CDH18: variants seen among roughly 807,000 people sequenced by gnomAD.
The protein encoded by CDH18 is cadherin 18, also known as cadherin-18.
A neutral mutation model predicts 67.9 loss-of-function variants in CDH18; 31 were observed. The observed-to-expected ratio is 0.46, with a 90% CI of 0.34 to 0.62. CDH18 has a LOEUF of 0.62. Among genes scored for constraint, CDH18 ranks in the 20% least tolerant of loss-of-function variants. The pLI, the probability that CDH18 is intolerant of heterozygous loss-of-function variation, is 0.01. For missense variants in CDH18, 890 were observed against 975.5 expected (o/e 0.91, Z 1.17); for synonymous variants, 362 against 347.2 (o/e 1.04, Z -0.48).
intron 3 of CDH18, among the ~76,000 whole-genome samples, chr5:19,826,460 G>A (rs1455976374): frequency 6.6e-6 from 1 of 152,090 alleles, no homozygotes; most frequent in African/African-American, 2.4e-5. Flanking sequence ...AAGAAAAAAT[G>A]TTAAAGGCAA....
chr5:19,928,042 G>C (rs1793280266), intron 2 of CDH18, among the ~76,000 whole-genome samples: 1 of 152,056 alleles, frequency 6.6e-6, no homozygotes, highest in African/African-American at 2.4e-5. Flanking sequence ...TGGTCATGCA[G>C]AGCTCTGAAA....
At chr5:20,298,329 G>T (rs1437045945) in intron 1 of CDH18, among the ~76,000 whole-genome samples, 1 of 152,086 alleles carries the variant, frequency 6.6e-6, no homozygotes, top group Non-Finnish European at 1.5e-5. Flanking sequence ...GTAACTTACG[G>T]TGCAACAGAG....
intron 2 of CDH18, among the ~76,000 whole-genome samples, chr5:20,190,720 C>G (rs994604573): frequency 2.6e-5 from 4 of 152,018 alleles, no homozygotes; most frequent in Non-Finnish European, 1.5e-5. Flanking sequence ...CCGTAATTAC[C>G]ATTGACTCCT....
At chr5:19,815,126 T>C (rs1779149980) in intron 3 of CDH18, among the ~76,000 whole-genome samples, 1 of 150,416 alleles carries the variant, frequency 6.6e-6, no homozygotes, top group South Asian at 2.1e-4. Flanking sequence ...AAGCTGAATA[T>C]AATATACTCA....
chr5:20,003,951 C>T lies in CDH18; in HGVS notation c.-517-11937G>A, dbSNP rs142607208. On this transcript the variant is annotated intron_variant, in intron 2 of 14. Transcript: ENST00000507958. ...AAACAAAAAACAAAAGACATAATAA[C>T]AAAATAACTATTTTTTCTTGTCAGC... Among the ~76,000 whole-genome samples, 569 of 152,248 alleles carry T rather than the reference C, an allele frequency of 3.7e-3. 2 individuals carry two copies. The highest frequency in any genetic ancestry group is 0.013 in the African/African-American group (535 of 41,550).
chr5:19,473,763 A>T (rs1194812899), intron 12 of CDH18, 47 bp from the exon 13 acceptor site: 1 of 1,440,196 alleles, frequency 6.9e-7, no homozygotes, highest in East Asian at 2.3e-5. Flanking sequence ...AACAGGAAGG[A>T]AATTCTTAGA....
chr5:19,708,585 T>G (rs959662588), intron 5 of CDH18, among the ~76,000 whole-genome samples: 2 of 152,178 alleles, frequency 1.3e-5, no homozygotes, highest in African/African-American at 4.8e-5. Context: ...AGATTGTTGG[T>G]TTACCAGAAT....
intron 2 of CDH18, among the ~76,000 whole-genome samples, chr5:20,015,987 G>T (rs2150423178): frequency 6.6e-6 from 1 of 152,138 alleles, no homozygotes; most frequent in South Asian, 2.1e-4. Context: ...AATATAAATT[G>T]TTCTACCATA....
At position 19,545,850 on chromosome 5, in the gene CDH18, T is replaced by C. The variant is rs757904276; in HGVS notation, c.1254-1845A>G. The stretch of plus-strand genomic sequence containing the variant: ...GTCCTTTCTAAATAGGAAATATAAC[T>C]TTGAGATGATATATCAGCATAAAGC... On this transcript the variant is annotated intron_variant, in intron 8 of 12. Coordinates refer to ENST00000382275, the MANE Select transcript of CDH18 (RefSeq NM_004934.5). Among the ~76,000 whole-genome samples the C allele has an allele frequency of 1.6e-4, 24 of 152,336 alleles. No homozygotes were observed. The Middle Eastern group carries it at 0.01, about 65-fold the overall frequency.
At chr5:20,009,587 G>A (rs550937311) in intron 2 of CDH18, among the ~76,000 whole-genome samples, 1 of 152,144 alleles carries the variant, frequency 6.6e-6, no homozygotes, top group Admixed American at 6.5e-5. Flanking sequence ...ATGCTAAGGA[G>A]ACCAATATAC....
chr5:19,952,011 T>C (rs1795839818), intron 2 of CDH18, among the ~76,000 whole-genome samples: 1 of 152,130 alleles, frequency 6.6e-6, no homozygotes, highest in African/African-American at 2.4e-5. Context: ...CTTATTTTTC[T>C]ATGTAATTAT....
intron 2 of CDH18, among the ~76,000 whole-genome samples, chr5:19,872,373 T>C (rs954233934): frequency 2.0e-5 from 3 of 152,192 alleles, no homozygotes; most frequent in African/African-American, 4.8e-5. Context: ...TTTATTTATA[T>C]AGTAAATGTT....
intron 2 of CDH18, among the ~76,000 whole-genome samples, chr5:19,845,921 T>C (rs1053497924): frequency 6.6e-6 from 1 of 151,952 alleles, no homozygotes; most frequent in African/African-American, 2.4e-5. Flanking sequence ...GTGAGTCTAT[T>C]GTAGAAAGCA....
At chr5:19,997,336 C>T (rs1271906826) in intron 2 of CDH18, among the ~76,000 whole-genome samples, 1 of 152,046 alleles carries the variant, frequency 6.6e-6, no homozygotes, top group Admixed American at 6.6e-5. Flanking sequence ...TAGCACATAT[C>T]ATATTTATGA....
At chr5:20,056,932 G>A (rs1399040870) in intron 2 of CDH18, among the ~76,000 whole-genome samples, 3 of 151,778 alleles carry the variant, frequency 2.0e-5, no homozygotes, top group Non-Finnish European at 4.4e-5. Context: ...TGATCAGCCC[G>A]TCTCGGCCTC....
intron 1 of CDH18, among the ~76,000 whole-genome samples, chr5:20,474,968 T>G (rs999491310): frequency 6.6e-6 from 1 of 152,228 alleles, no homozygotes; most frequent in Non-Finnish European, 1.5e-5. Context: ...ATAGCATAAC[T>G]TCCCAGTATA....
At chr5:19,536,510 C>A (rs1053728783) in intron 9 of CDH18, among the ~76,000 whole-genome samples, 1 of 152,106 alleles carries the variant, frequency 6.6e-6, no homozygotes, top group African/African-American at 2.4e-5. Context: ...AATTGATACA[C>A]GTGGAGTTTA....
intron 1 of CDH18, among the ~76,000 whole-genome samples, chr5:20,346,603 A>AC (rs1422654787): frequency 2.0e-5 from 3 of 152,160 alleles, no homozygotes; most frequent in African/African-American, 7.2e-5. Flanking sequence ...TGAGTTGCCT[A>AC]TACTGCACAG....
intron 6 of CDH18, among the ~76,000 whole-genome samples, chr5:19,592,709 A>C (rs1459669624): frequency 6.6e-6 from 1 of 152,156 alleles, no homozygotes; most frequent in Non-Finnish European, 1.5e-5. Context: ...TCCGATAAAC[A>C]AATTTCTACA....
Sources: allele counts gnomAD v4.1 joint callset (sites outside exome capture counted in the v4.1 genomes callset), GRCh38; gene constraint gnomAD v4.1.1; transcripts MANE v1.5; gene names NCBI Gene and HGNC (gene_info 2026-07-23, HGNC 2026-07-21).